CPNE8: variants seen among roughly 807,000 people sequenced by gnomAD.
CPNE8 encodes copine 8.
CPNE8 carries 45 observed loss-of-function variants against 81.5 expected under a neutral mutation model. That is an observed-to-expected ratio of 0.55 (90% CI 0.44 to 0.71). The LOEUF (loss-of-function observed/expected upper bound fraction) is 0.71, where lower values mean the gene tolerates loss of function less well. Among genes scored for constraint, CPNE8 ranks in the 30% least tolerant of loss-of-function variants. The probability of loss-of-function intolerance (pLI) is 0.00; values close to 1 mark genes in which losing one functional copy is unlikely to be tolerated. For synonymous variants in CPNE8, 252 were observed against 226.3 expected (o/e 1.11, Z -1.02); for missense variants, 594 against 672.1 (o/e 0.88, Z 1.28).
chr12:38,807,882 C>A (rs1243380771), intron 6 of CPNE8, among the ~76,000 whole-genome samples: 1 of 151,784 alleles, frequency 6.6e-6, no homozygotes, highest in Admixed American at 6.6e-5. Flanking sequence ...CCAGAATCTA[C>A]AATGAACTCC....
Position 38,724,870 on chromosome 12 carries a change from CT to C in CPNE8, c.827del (p.Lys276ArgfsTer10). 6.7e-7 allele frequency: 1 copy of C among 1,501,402 alleles called. No homozygotes were observed. The highest frequency in any genetic ancestry group is 1.1e-5 in the South Asian group (1 of 87,034). 93.0% of individuals were successfully genotyped at this position (1,501,402 alleles called of 1,614,324 possible). ...EVVNPKKKGK[K>X]KKYTNSGTVT... The stretch of plus-strand genomic sequence containing the variant: ...CTGTTCCAGAATTAGTATATTTTTT[CT>C]TTTTTCCTTTCTTTTTGGGATTCAC... On this transcript the variant is annotated frameshift_variant, in exon 12 of 20. Transcript: ENST00000331366. LOFTEE classifies it high-confidence loss of function.
chr12:38,847,899 C>T (rs1461058534), intron 4 of CPNE8, among the ~76,000 whole-genome samples: 1 of 151,976 alleles, frequency 6.6e-6, no homozygotes, highest in African/African-American at 2.4e-5. Context: ...ATATTTTAAG[C>T]ATATTTTACC....
chr12:38,896,176 A>G (rs1944385440), intron 1 of CPNE8, among the ~76,000 whole-genome samples: 1 of 152,178 alleles, frequency 6.6e-6, no homozygotes, highest in Admixed American at 6.5e-5. Context: ...TCTAATAAAT[A>G]GAAATATTTG....
chr12:38,700,371 T>A (rs551012252), intron 14 of CPNE8, among the ~76,000 whole-genome samples: 2 of 151,776 alleles, frequency 1.3e-5, no homozygotes, highest in East Asian at 3.9e-4. Context: ...CCCTAGTAGC[T>A]GGGATTACAG....
intron 3 of CPNE8, among the ~76,000 whole-genome samples, chr12:38,859,172 A>G (rs1337518582): frequency 6.6e-6 from 1 of 151,140 alleles, no homozygotes; most frequent in Non-Finnish European, 1.5e-5. Context: ...TCATTTGCAA[A>G]TGAACTTATA....
intron 3 of CPNE8, among the ~76,000 whole-genome samples, chr12:38,867,339 T>A (rs7300404): frequency 0.41 from 49,759 of 120,534 alleles, 10,364 homozygotes; most frequent in Non-Finnish European, 0.5. Flanking sequence ...TGTGTGTGTG[T>A]GAGAGAGAGA....
At chr12:38,696,753 T>C (rs1188479639) in intron 14 of CPNE8, among the ~76,000 whole-genome samples, 1 of 152,170 alleles carries the variant, frequency 6.6e-6, no homozygotes, top group Non-Finnish European at 1.5e-5. Flanking sequence ...CCATTTAAAA[T>C]ATATAATTCA....
chr12:38,753,714 A>T (rs1410206822), intron 10 of CPNE8, among the ~76,000 whole-genome samples: 2 of 152,136 alleles, frequency 1.3e-5, no homozygotes, highest in East Asian at 1.9e-4. Flanking sequence ...ATGACCTGTA[A>T]GTTAGGTGAG....
chr12:38,799,024 T>C (rs1188788957), intron 6 of CPNE8, among the ~76,000 whole-genome samples: 1 of 152,116 alleles, frequency 6.6e-6, no homozygotes, highest in African/African-American at 2.4e-5. Context: ...ATTCACCCAA[T>C]ACAGGAGCAC....
intron 13 of CPNE8, among the ~76,000 whole-genome samples, chr12:38,722,488 C>T (rs1035892605): frequency 6.6e-6 from 1 of 152,120 alleles, no homozygotes; most frequent in African/African-American, 2.4e-5. Context: ...CTTGGTCCCC[C>T]CACTCCCTCA....
intron 18 of CPNE8, among the ~76,000 whole-genome samples, chr12:38,671,278 T>TA (rs1555141546): frequency 6.6e-6 from 1 of 151,716 alleles, no homozygotes; most frequent in African/African-American, 2.4e-5. Context: ...GCCATACACA[T>TA]ACACACACAC....
At chr12:38,657,070 G>T (rs1444325023) in intron 19 of CPNE8, among the ~76,000 whole-genome samples, 1 of 152,216 alleles carries the variant, frequency 6.6e-6, no homozygotes, top group Non-Finnish European at 1.5e-5. Flanking sequence ...AAGCAGTGCG[G>T]GGTGTCACTT....
intron 14 of CPNE8, among the ~76,000 whole-genome samples, chr12:38,699,094 A>G (rs2136683110): frequency 6.6e-6 from 1 of 152,338 alleles, no homozygotes; most frequent in South Asian, 2.1e-4. Flanking sequence ...ATCCAAAAGC[A>G]TGGCTGGTTT....
intron 5 of CPNE8, among the ~76,000 whole-genome samples, chr12:38,833,057 G>T (rs1468276384): frequency 7.2e-6 from 1 of 139,494 alleles, no homozygotes; most frequent in African/African-American, 2.4e-5. Flanking sequence ...TGGTTTTTAA[G>T]ATATTTTTGG....
intron 6 of CPNE8, among the ~76,000 whole-genome samples, chr12:38,821,417 T>C (rs1943108108): frequency 6.6e-6 from 1 of 152,200 alleles, no homozygotes. Context: ...CCAGAATCTG[T>C]CAGTAAATTA....
intron 10 of CPNE8, among the ~76,000 whole-genome samples, chr12:38,758,451 A>G (rs1941508492): frequency 6.6e-6 from 1 of 152,178 alleles, no homozygotes; most frequent in African/African-American, 2.4e-5. Flanking sequence ...AATAAGTCCA[A>G]TGTCCAGGTT....
At chr12:38,740,925 T>C (rs7974145) in intron 10 of CPNE8, among the ~76,000 whole-genome samples, 122,638 of 152,082 alleles carry the variant, frequency 0.81, 52,421 homozygotes, top group Middle Eastern at 0.97. Flanking sequence ...AGGGAGGATT[T>C]CCTCTTTTTC....
At chr12:38,756,193 T>A (rs1941455587) in intron 10 of CPNE8, among the ~76,000 whole-genome samples, 1 of 152,176 alleles carries the variant, frequency 6.6e-6, no homozygotes. Context: ...AGAATTAATT[T>A]CAGTTGATGA....
chr12:38,863,944 C>T (rs1213780498), intron 3 of CPNE8, among the ~76,000 whole-genome samples: 2 of 151,730 alleles, frequency 1.3e-5, no homozygotes, highest in Non-Finnish European at 2.9e-5. Flanking sequence ...GTCCCAGCTA[C>T]TCAGGAGGCT....
Sources: gnomAD v4.1 joint callset for allele counts (sites outside exome capture counted in the v4.1 genomes callset) on GRCh38, gnomAD v4.1.1 for gene constraint, MANE v1.5 for transcripts, NCBI Gene and HGNC (gene_info 2026-07-23, HGNC 2026-07-21) for gene names.